PARD3: variants seen among roughly 807,000 people sequenced by gnomAD.
The protein encoded by PARD3 is partitioning defective 3 homolog.
Under a neutral mutation model 155.4 loss-of-function variants are expected in PARD3, and 75 were observed. That is an observed-to-expected ratio of 0.48 (90% CI 0.40 to 0.58). The LOEUF (loss-of-function observed/expected upper bound fraction) is 0.58. Among genes scored for constraint, PARD3 ranks in the 20% least tolerant of loss-of-function variants. The pLI, the probability that PARD3 is intolerant of heterozygous loss-of-function variation, is 0.00. For synonymous variants in PARD3, 576 were observed against 610.5 expected (o/e 0.94, Z 0.83); for missense variants, 1,642 against 1,721.7 (o/e 0.95, Z 0.82).
Position 34,646,292 on chromosome 10 carries a change from T to A in PARD3, c.222+50026A>T, listed in dbSNP as rs554498710. Among the ~76,000 whole-genome samples the A allele has an allele frequency of 1.2e-4, 18 of 152,300 alleles. No individual in the cohort carries two copies. In the East Asian group the frequency reaches 3.5e-3, roughly 29 times the overall value. On this transcript the variant is annotated intron_variant, in intron 2 of 24. Coordinates refer to ENST00000374788, the MANE Select transcript of PARD3 (RefSeq NM_001184785.2). ...ACAAACTCAACTCCCTGATGAATAA[T>A]TTAGAAAATAATATACTTTATTACT...
At chr10:34,575,185 G>A (rs1160417003) in intron 2 of PARD3, among the ~76,000 whole-genome samples, 1 of 152,086 alleles carries the variant, frequency 6.6e-6, no homozygotes, top group African/African-American at 2.4e-5. Context: ...ACAAAATTCT[G>A]AGAATGCACA....
intron 20 of PARD3, among the ~76,000 whole-genome samples, chr10:34,308,925 G>A (rs1957554023): frequency 6.6e-6 from 1 of 152,104 alleles, no homozygotes; most frequent in African/African-American, 2.4e-5. Context: ...GGGAGGAGGA[G>A]GGAAAGCTGG....
intron 2 of PARD3, among the ~76,000 whole-genome samples, chr10:34,582,665 G>C (rs950530988): frequency 6.6e-6 from 1 of 152,188 alleles, no homozygotes; most frequent in Non-Finnish European, 1.5e-5. Flanking sequence ...CTATTGATGT[G>C]TTATGCGCTA....
At chr10:34,697,158 T>C (rs1322944030) in intron 1 of PARD3, among the ~76,000 whole-genome samples, 1 of 152,204 alleles carries the variant, frequency 6.6e-6, no homozygotes, top group African/African-American at 2.4e-5. Context: ...TGTACGTATA[T>C]TTTAAAATCC....
intron 16 of PARD3, among the ~76,000 whole-genome samples, chr10:34,341,268 T>C (rs1836799597): frequency 6.6e-6 from 1 of 151,884 alleles, no homozygotes; most frequent in South Asian, 2.1e-4. Flanking sequence ...AGTATCTAAT[T>C]GTTGCCATCA....
chr10:34,218,112 G>A (rs1952096259), intron 22 of PARD3, among the ~76,000 whole-genome samples: 1 of 152,104 alleles, frequency 6.6e-6, no homozygotes, highest in South Asian at 2.1e-4. Context: ...AGACAAGGAA[G>A]GAACACCATG....
At chr10:34,163,313 T>C (rs1302884901) in intron 22 of PARD3, among the ~76,000 whole-genome samples, 3 of 152,102 alleles carry the variant, frequency 2.0e-5, no homozygotes, top group Non-Finnish European at 2.9e-5. Flanking sequence ...ATTAGAGCCA[T>C]CCAAGCTGGA....
intron 20 of PARD3, among the ~76,000 whole-genome samples, chr10:34,301,384 A>G (rs546258663): frequency 3.3e-4 from 50 of 152,156 alleles, no homozygotes; most frequent in Non-Finnish European, 5.4e-4. Flanking sequence ...TAATGGCTTT[A>G]GTGACTGCAC....
Position 34,349,986 on chromosome 10 carries a change from CT to C in PARD3, c.2068-1872del, listed in dbSNP as rs1195512964. Among the ~76,000 whole-genome samples, 3 of 152,186 alleles carry C rather than the reference CT, an allele frequency of 2.0e-5. No homozygotes were observed. In the East Asian group the frequency reaches 5.8e-4, roughly 29 times the overall value. ...CGTCTGTTCAGAAAAAAACCAAGCA[CT>C]TGAACATTTTCATAGGAAAGATTCT... On this transcript the variant is annotated intron_variant, in intron 14 of 24. Coordinates refer to ENST00000374788, the MANE Select transcript of PARD3 (RefSeq NM_001184785.2).
chr10:34,763,070 C>T (rs1564593626), intron 1 of PARD3, among the ~76,000 whole-genome samples: 2 of 152,112 alleles, frequency 1.3e-5, no homozygotes, highest in South Asian at 2.1e-4. Flanking sequence ...GAACCACTGC[C>T]CAGAGGACAT....
Position 34,697,088 on chromosome 10 carries a change from T to A in PARD3, c.121-669A>T, listed in dbSNP as rs1344927792. 3.8e-5 allele frequency among the ~76,000 whole-genome samples: 5 copies of A among 132,348 alleles called. No individual in the cohort carries two copies. The Admixed American group carries it at 4.2e-4, about 11-fold the overall frequency. The allele number at this position is 132,348 out of a possible 152,430, so 86.8% of individuals were successfully genotyped here. A position where few individuals can be genotyped will look rare whatever the true frequency, so the allele number is the denominator to read the frequency against. On this transcript the variant is annotated intron_variant, in intron 1 of 24. Transcript: ENST00000374788. ...AAAATTTGCAGTGGTTATCCTGCAGTGGGATTGAGGAGAAGGAAAAAAAAG... is the reference window on the plus strand; with the variant it reads ...AAAATTTGCAGTGGTTATCCTGCAGAGGGATTGAGGAGAAGGAAAAAAAAG...
chr10:34,627,614 AAGGCCAGGAACACCTGGGCTTCCG>A, intron 2 of PARD3, among the ~76,000 whole-genome samples: 1 of 152,294 alleles, frequency 6.6e-6, no homozygotes, highest in East Asian at 1.9e-4. Context: ...ATGCACCTGC[AAGGCCAGGAACACCTGGGCTTCCG>A]AAGCCAGGAA....
At chr10:34,196,904 G>A (rs190381653) in intron 22 of PARD3, among the ~76,000 whole-genome samples, 137 of 152,264 alleles carry the variant, frequency 9.0e-4, no homozygotes, top group African/African-American at 3.1e-3. Flanking sequence ...GTGTCTGGGT[G>A]ACAGCCCACG....
intron 7 of PARD3, 98 bp from the exon 8 acceptor site, chr10:34,384,352 C>T: frequency 8.9e-7 from 1 of 1,124,282 alleles, no homozygotes; most frequent in Non-Finnish European, 1.2e-6. Context: ...CAAAGATGTC[C>T]TTACAAAGGA....
At chr10:34,365,619 C>T (rs570579303) in intron 12 of PARD3, among the ~76,000 whole-genome samples, 3 of 152,214 alleles carry the variant, frequency 2.0e-5, no homozygotes, top group South Asian at 2.1e-4. Context: ...GATGGAGTCT[C>T]GCTCTGTTGC....
At chr10:34,134,454 A>G (rs913091359) in intron 22 of PARD3, among the ~76,000 whole-genome samples, 1 of 152,224 alleles carries the variant, frequency 6.6e-6, no homozygotes, top group Non-Finnish European at 1.5e-5. Context: ...CATTGATAAA[A>G]ACTGACCTCC....
At chr10:34,213,835 T>C (rs969279917) in intron 22 of PARD3, among the ~76,000 whole-genome samples, 10 of 152,214 alleles carry the variant, frequency 6.6e-5, no homozygotes, top group Non-Finnish European at 1.3e-4. Context: ...TTTTCTGTTA[T>C]ACATTTTTCA....
intron 1 of PARD3, among the ~76,000 whole-genome samples, chr10:34,744,939 G>C (rs1368887947): frequency 6.6e-6 from 1 of 152,124 alleles, no homozygotes; most frequent in African/African-American, 2.4e-5. Context: ...CCAGGAGCTC[G>C]GGCAACTAGG....
chr10:34,749,966 G>C (rs966886837), intron 1 of PARD3, among the ~76,000 whole-genome samples: 3 of 151,676 alleles, frequency 2.0e-5, no homozygotes, highest in African/African-American at 7.3e-5. Flanking sequence ...AGGCTGCAAT[G>C]AGCCAAGATG....
Sources: allele counts gnomAD v4.1 joint callset (sites outside exome capture counted in the v4.1 genomes callset), GRCh38; gene constraint gnomAD v4.1.1; transcripts MANE v1.5; gene names NCBI Gene and HGNC (gene_info 2026-07-23, HGNC 2026-07-21).